The following PRKN variants were observed in gnomAD, a reference collection of about 807,000 sequenced individuals.
PRKN encodes the protein parkin RBR E3 ubiquitin protein ligase.
In PRKN, 56 loss-of-function variants were observed where a neutral mutation model predicts 59.5. The observed-to-expected ratio is 0.94, with a 90% CI of 0.76 to 1.18. PRKN has a LOEUF of 1.18. PRKN is among the 50% of genes most tolerant of loss of function. The pLI is 0.00. For missense variants in PRKN, 657 were observed against 596.4 expected (o/e 1.10, Z -1.06); for synonymous variants, 250 against 222.1 (o/e 1.13, Z -1.12).
intron 2 of PRKN, among the ~76,000 whole-genome samples, chr6:162,438,313 T>C (rs1004385002): frequency 1.3e-5 from 2 of 152,314 alleles, no homozygotes; most frequent in South Asian, 2.1e-4. Flanking sequence ...CCCTCTAACA[T>C]AATTTAGAAA....
At position 161,353,313 on chromosome 6, in the gene PRKN, C is replaced by G. The variant is rs576494404; in HGVS notation, c.1286-3102G>C. On this transcript the variant is annotated intron_variant, in intron 11 of 11. Coordinates refer to ENST00000366898, the MANE Select transcript of PRKN (RefSeq NM_004562.3). The surrounding 1 kb of genome is among the most constrained non-coding windows in gnomAD (Gnocchi z 4.8). ...GGATTTCAGAAAGAGTCCTGTCCATCCCCTGGAGGAAGGAATGCTGCACAG... is the reference window on the plus strand; with the variant it reads ...GGATTTCAGAAAGAGTCCTGTCCATGCCCTGGAGGAAGGAATGCTGCACAG... 5.3e-5 allele frequency among the ~76,000 whole-genome samples: 8 copies of G among 152,178 alleles called. No homozygotes were observed. The highest frequency in any genetic ancestry group is 1.7e-4 in the African/African-American group (7 of 41,440).
chr6:162,427,645 T>G (rs1026838018), intron 2 of PRKN, among the ~76,000 whole-genome samples: 1 of 145,606 alleles, frequency 6.9e-6, no homozygotes, highest in African/African-American at 2.6e-5. Context: ...TAAATAAATG[T>G]TTTTTTTTCT....
At chr6:161,364,284 C>A (rs1454458829) in intron 10 of PRKN, among the ~76,000 whole-genome samples, 3 of 150,124 alleles carry the variant, frequency 2.0e-5, no homozygotes, top group Admixed American at 2.0e-4. Flanking sequence ...CATGGTGAAA[C>A]CCCGTCTCTA....
chr6:161,852,972 G>GAC (rs948151695), intron 6 of PRKN, among the ~76,000 whole-genome samples: 3 of 152,102 alleles, frequency 2.0e-5, no homozygotes, highest in Non-Finnish European at 4.4e-5. Flanking sequence ...GGGACCAGAT[G>GAC]ACACACACAC....
intron 7 of PRKN, among the ~76,000 whole-genome samples, chr6:161,648,832 C>A (rs1784050731): frequency 1.3e-5 from 2 of 152,114 alleles, no homozygotes; most frequent in African/African-American, 4.8e-5. Flanking sequence ...AAAAACACAG[C>A]CATAGAGTCA....
At chr6:162,442,526 C>T (rs1166309036) in intron 2 of PRKN, among the ~76,000 whole-genome samples, 2 of 152,176 alleles carry the variant, frequency 1.3e-5, no homozygotes, top group Non-Finnish European at 2.9e-5. Context: ...GTGGTATTAT[C>T]AGTCACCTCA....
At chr6:161,862,815 G>A (rs12178482) in intron 6 of PRKN, among the ~76,000 whole-genome samples, 2,038 of 152,228 alleles carry the variant, frequency 0.013, 41 homozygotes, top group African/African-American at 0.047. Context: ...ACGAAGACCC[G>A]TCTATCTCTG....
In PRKN at chr6:161,517,176, A is replaced by G. The variant is rs150596127; in HGVS notation, c.1083+31678T>C. Among the ~76,000 whole-genome samples the G allele has an allele frequency of 9.9e-3, 1,512 of 152,244 alleles. 8 individuals are homozygous for G. Among genetic ancestry groups the G allele is most frequent in the Non-Finnish European group, 0.016 (1,116 of 68,004 alleles). Reference sequence around the variant, plus strand: ...ATGACTTCTTTTATCTGGGAAGCACATTTTCAATCACGAGTTCATGATTGA... The same window carrying G: ...ATGACTTCTTTTATCTGGGAAGCACGTTTTCAATCACGAGTTCATGATTGA... On this transcript the variant is annotated intron_variant, in intron 9 of 11. Transcript: ENST00000366898.
intron 1 of PRKN, among the ~76,000 whole-genome samples, chr6:162,572,480 G>A (rs1780377004): frequency 6.6e-6 from 1 of 152,146 alleles, no homozygotes; most frequent in South Asian, 2.1e-4. Flanking sequence ...ATGGAGCAGT[G>A]AAGTTGTCAC....
At chr6:162,119,755 A>T (rs1780827221) in intron 4 of PRKN, among the ~76,000 whole-genome samples, 1 of 152,094 alleles carries the variant, frequency 6.6e-6, no homozygotes, top group Non-Finnish European at 1.5e-5. Context: ...TTTCTCTGGG[A>T]GGGGAGAATC....
At chr6:161,832,279 C>T (rs1384550190) in intron 6 of PRKN, among the ~76,000 whole-genome samples, 2 of 152,110 alleles carry the variant, frequency 1.3e-5, no homozygotes, top group African/African-American at 4.8e-5. Flanking sequence ...TTAGTACTTT[C>T]TTGAATAGAA....
At chr6:161,741,587 TGG>T (rs1465839393) in intron 7 of PRKN, among the ~76,000 whole-genome samples, 1 of 152,144 alleles carries the variant, frequency 6.6e-6, no homozygotes, top group Non-Finnish European at 1.5e-5. Context: ...CCCACTGACC[TGG>T]GAGAAATGCT....
At chr6:162,347,671 T>G (rs892437645) in intron 2 of PRKN, among the ~76,000 whole-genome samples, 8 of 152,164 alleles carry the variant, frequency 5.3e-5, no homozygotes, top group African/African-American at 1.9e-4. Flanking sequence ...TTTTATTGCT[T>G]AAATTTTATC....
At chr6:161,764,485 G>A (rs192587949) in intron 7 of PRKN, among the ~76,000 whole-genome samples, 183 of 152,230 alleles carry the variant, frequency 1.2e-3, no homozygotes, top group Non-Finnish European at 2.1e-3. Flanking sequence ...CATTCAACAG[G>A]ATGCCACAGT....
At chr6:162,340,566 G>T (rs1387809086) in intron 2 of PRKN, among the ~76,000 whole-genome samples, 1 of 152,084 alleles carries the variant, frequency 6.6e-6, no homozygotes, top group African/African-American at 2.4e-5. Flanking sequence ...GCATGGAACT[G>T]GTACCAAAAC....
intron 7 of PRKN, among the ~76,000 whole-genome samples, chr6:161,769,844 C>G (rs972408042): frequency 2.6e-5 from 4 of 152,128 alleles, no homozygotes; most frequent in Admixed American, 6.5e-5. Flanking sequence ...ACCTGAAACG[C>G]CCACCCCAGG....
Position 161,544,935 on chromosome 6 carries a change from A to C in PRKN, c.1083+3919T>G, listed in dbSNP as rs1040455667. ...CACCTATTTTACAGAAGCTGAACTA[A>C]AGACACAGAAGCCTTCAAATGGAAA... On this transcript the variant is annotated intron_variant, in intron 9 of 11. Coordinates refer to ENST00000366898, the MANE Select transcript of PRKN (RefSeq NM_004562.3). The surrounding 1 kb of genome is among the most constrained non-coding windows in gnomAD (Gnocchi z 5.5). 6.6e-6 allele frequency among the ~76,000 whole-genome samples: 1 copy of C among 152,202 alleles called. No homozygotes were observed. Among genetic ancestry groups the C allele is most frequent in the Non-Finnish European group, 1.5e-5 (1 of 68,046 alleles).
chr6:161,449,948 C>T (rs7745686), intron 9 of PRKN, among the ~76,000 whole-genome samples: 15 of 152,068 alleles, frequency 9.9e-5, no homozygotes, highest in South Asian at 4.2e-4. Flanking sequence ...CCAGAGCCAA[C>T]GGTGCCTGCC....
At chr6:161,977,116 G>A (rs1038468186) in intron 5 of PRKN, among the ~76,000 whole-genome samples, 1 of 152,154 alleles carries the variant, frequency 6.6e-6, no homozygotes, top group African/African-American at 2.4e-5. Context: ...TTTTGTTGTA[G>A]TACTAGAATA....
Sources: gnomAD v4.1 joint callset for allele counts (sites outside exome capture counted in the v4.1 genomes callset) on GRCh38, gnomAD v4.1.1 for gene constraint, Gnocchi (gnomAD v3.1) non-coding constraint, MANE v1.5 for transcripts, NCBI Gene and HGNC (gene_info 2026-07-23, HGNC 2026-07-21) for gene names.